TRDN: variants seen among roughly 807,000 people sequenced by gnomAD.
TRDN encodes triadin, also known as triadin in skeletal muscle.
A neutral mutation model predicts 149.7 loss-of-function variants in TRDN; 161 were observed. That is an observed-to-expected ratio of 1.08 (90% confidence interval 0.95 to 1.23). The LOEUF is 1.23. TRDN is among the 50% of genes most tolerant of loss of function. The probability of loss-of-function intolerance (pLI) is 0.00; values close to 1 mark genes in which losing one functional copy is unlikely to be tolerated. For missense variants in TRDN, 896 were observed against 823.5 expected, an observed-to-expected ratio of 1.09 and a Z score of -1.08; for synonymous variants, 294 against 250.5, an observed-to-expected ratio of 1.17 and a Z score of -1.64.
chr6:123,456,215 A>G (rs572942907), intron 10 of TRDN, among the ~76,000 whole-genome samples: 7 of 152,306 alleles, frequency 4.6e-5, no homozygotes, highest in African/African-American at 1.7e-4. Context: ...AATTTTTTAA[A>G]TTTGCCTAAT....
chr6:123,599,445 C>A (rs1358178775), intron 1 of TRDN, among the ~76,000 whole-genome samples: 6 of 152,044 alleles, frequency 3.9e-5, no homozygotes, highest in African/African-American at 1.2e-4. Flanking sequence ...AAATTTATTT[C>A]TTCAACCAAT....
At chr6:123,246,965 C>T (rs55976905) in intron 38 of TRDN, among the ~76,000 whole-genome samples, 6,716 of 152,126 alleles carry the variant, frequency 0.044, 435 homozygotes, top group African/African-American at 0.15. Flanking sequence ...AATTAATAAA[C>T]ATAATCCATC....
intron 24 of TRDN, among the ~76,000 whole-genome samples, chr6:123,294,216 C>T (rs912749502): frequency 1.3e-5 from 2 of 152,094 alleles, no homozygotes; most frequent in Admixed American, 6.5e-5. Flanking sequence ...TTCAAAAGGT[C>T]TATGAGAAAG....
intron 12 of TRDN, among the ~76,000 whole-genome samples, chr6:123,424,690 T>A (rs1774043373): frequency 6.6e-6 from 1 of 152,152 alleles, no homozygotes; most frequent in African/African-American, 2.4e-5. Context: ...CAAGCATGTG[T>A]GATTAGGACC....
At position 123,316,542 on chromosome 6, in the gene TRDN, A is replaced by G. The variant is rs1286923407; in HGVS notation, c.1472-47T>C. 4.5e-6 allele frequency: 7 copies of G among 1,572,474 alleles called. No individual in the cohort carries two copies. The Admixed American group carries it at 5.2e-5, about 12-fold the overall frequency. On this transcript the variant is annotated intron_variant, in intron 23 of 40. Coordinates refer to ENST00000334268, the MANE Select transcript of TRDN (RefSeq NM_006073.4). ...AACACGTACAAACAAAAGGGAAAAA[A>G]ATAACATTTGAAAAATAGTCAGTAC...
rs139786771 is a variant in TRDN at position 123,480,228 on chromosome 6, AAC to A, written c.854-15247_854-15246del. Reference sequence around the variant, plus strand: ...ATCATTAAAAATGACTGACTTTCATAACAGAGTGACACTCCGTTTCCAAAAAA... The same window carrying A: ...ATCATTAAAAATGACTGACTTTCATAAGAGTGACACTCCGTTTCCAAAAAA... On this transcript the variant is annotated intron_variant, in intron 9 of 40. Coordinates refer to ENST00000334268, the MANE Select transcript of TRDN (RefSeq NM_006073.4). 4.1e-3 allele frequency among the ~76,000 whole-genome samples: 611 copies of A among 150,588 alleles called. 8 individuals carry two copies. The highest frequency in any genetic ancestry group is 0.014 in the African/African-American group (583 of 41,156).
At chr6:123,322,086 C>T (rs1032057345) in intron 23 of TRDN, among the ~76,000 whole-genome samples, 1 of 152,172 alleles carries the variant, frequency 6.6e-6, no homozygotes, top group Non-Finnish European at 1.5e-5. Flanking sequence ...TTAGCCACAT[C>T]CATATGGTCT....
At chr6:123,443,454 C>A (rs929424315) in intron 10 of TRDN, among the ~76,000 whole-genome samples, 3 of 152,000 alleles carry the variant, frequency 2.0e-5, no homozygotes, top group South Asian at 2.1e-4. Context: ...AGGAAAAATA[C>A]CTGCAGAGAT....
At chr6:123,487,192 T>C (rs761695617) in intron 9 of TRDN, among the ~76,000 whole-genome samples, 2 of 151,988 alleles carry the variant, frequency 1.3e-5, no homozygotes, top group Non-Finnish European at 1.5e-5. Flanking sequence ...AAGAAAGATA[T>C]ATTGCTCCAT....
intron 19 of TRDN, among the ~76,000 whole-genome samples, chr6:123,375,387 C>T (rs1781467796): frequency 6.6e-6 from 1 of 151,924 alleles, no homozygotes; most frequent in African/African-American, 2.4e-5. Flanking sequence ...TATGATGTGG[C>T]CAAATTAACA....
intron 38 of TRDN, among the ~76,000 whole-genome samples, chr6:123,251,628 TAAAATTACATATATGTC>T (rs1726248297): frequency 6.6e-6 from 1 of 151,924 alleles, no homozygotes. Flanking sequence ...TAATTAAAAT[TAAAATTACATATATGTC>T]ACATTTTATA....
At chr6:123,484,909 T>C (rs1445346684) in intron 9 of TRDN, among the ~76,000 whole-genome samples, 3 of 152,192 alleles carry the variant, frequency 2.0e-5, no homozygotes, top group Non-Finnish European at 2.9e-5. Flanking sequence ...ACCTGAAGCA[T>C]TTTATCACAA....
intron 33 of TRDN, among the ~76,000 whole-genome samples, chr6:123,263,521 C>T (rs996769431): frequency 2.6e-5 from 4 of 152,070 alleles, no homozygotes; most frequent in African/African-American, 9.6e-5. Context: ...TCAATGTAGA[C>T]AAAATAGCCT....
In TRDN at chr6:123,516,108, G is replaced by A; in HGVS notation, c.550+33C>T. On this transcript the variant is annotated intron_variant, in intron 6 of 40. Transcript: ENST00000334268. ...TAGGAAGTCAATGGGAAAGGACTCA[G>A]TGTGTTAAACAGTAATAAAAGTAAC... 2.1e-6 allele frequency: 3 copies of A among 1,438,528 alleles called. 1 individual carries two copies. Among genetic ancestry groups the A allele is most frequent in the East Asian group, 5.5e-5 (2 of 36,524 alleles). 89.1% of individuals were successfully genotyped at this position (1,438,528 alleles called of 1,614,324 possible).
At chr6:123,405,838 T>G (rs1458839743) in intron 12 of TRDN, among the ~76,000 whole-genome samples, 1 of 152,146 alleles carries the variant, frequency 6.6e-6, no homozygotes, top group Admixed American at 6.5e-5. Context: ...AATCCAATAC[T>G]TCAAGTACTA....
At chr6:123,465,880 C>T (rs982340999) in intron 9 of TRDN, among the ~76,000 whole-genome samples, 3 of 152,090 alleles carry the variant, frequency 2.0e-5, no homozygotes, top group Non-Finnish European at 4.4e-5. Context: ...GTCAGCAGAC[C>T]TGCCTTACTG....
At chr6:123,262,948 C>T (rs1776822675) in intron 33 of TRDN, among the ~76,000 whole-genome samples, 1 of 99,988 alleles carries the variant, frequency 1.0e-5, no homozygotes, top group Non-Finnish European at 2.3e-5. Flanking sequence ...TGAAATTAGA[C>T]CAGTTAGTAA....
intron 6 of TRDN, among the ~76,000 whole-genome samples, chr6:123,512,639 A>G (rs1779237086): frequency 6.6e-6 from 1 of 152,190 alleles, no homozygotes; most frequent in Non-Finnish European, 1.5e-5. Flanking sequence ...CTTTCAGGGA[A>G]GACAAACTGA....
At chr6:123,549,411 C>T (rs1781277357) in intron 2 of TRDN, among the ~76,000 whole-genome samples, 1 of 151,964 alleles carries the variant, frequency 6.6e-6, no homozygotes, top group Non-Finnish European at 1.5e-5. Context: ...GGTGATCTAT[C>T]TAGAAATATG....
Sources: gnomAD v4.1 joint callset for allele counts (sites outside exome capture counted in the v4.1 genomes callset) on GRCh38, gnomAD v4.1.1 for gene constraint, MANE v1.5 for transcripts, NCBI Gene and HGNC (gene_info 2026-07-23, HGNC 2026-07-21) for gene names.